XAGE2: variants seen among roughly 807,000 people sequenced by gnomAD.
XAGE2 encodes the protein X antigen family member 2, also known as G antigen family D member 3.
In XAGE2, 7 loss-of-function variants were observed where a neutral mutation model predicts 9.9. The observed-to-expected ratio is 0.71, with a 90% CI of 0.40 to 1.32. XAGE2 has a LOEUF of 1.32. Among genes scored for constraint, XAGE2 ranks in the 40% most tolerant of loss-of-function variants. The pLI is 0.01. For synonymous variants in XAGE2, 31 were observed against 26.8 expected, an observed-to-expected ratio of 1.16 and a Z score of -0.48; for missense variants, 85 against 81.0, an observed-to-expected ratio of 1.05 and a Z score of -0.19.
At chrX:52,369,681 C>T (rs1921143844) in intron 1 of XAGE2, among the ~76,000 whole-genome samples, 1 of 111,901 alleles carries the variant, frequency 8.9e-6, no homozygotes, top group Non-Finnish European at 1.9e-5. Flanking sequence ...TGACGAAAGC[C>T]GTGGTCACTG....
At chrX:52,370,715 G>C in intron 3 of XAGE2, 43 bp downstream of exon 3, 9 of 1,111,690 alleles carry the variant, frequency 8.1e-6, no homozygotes, top group Non-Finnish European at 9.9e-6. Context: ...GGGGAAGGAG[G>C]CCTATGTGTC....
At position 52,370,659 on chromosome X, in the gene XAGE2, A is replaced by T. The variant is rs948362575; in HGVS notation, c.174A>T (p.Ala58=). The change falls in exon 3 of 5, where the codon GCA becomes GCT. Residue 58 remains alanine (A), a synonymous_variant. Coordinates refer to ENST00000286049, the MANE Select transcript of XAGE2 (RefSeq NM_130777.3). ...AGAAGAGAGAAGATGATCAGGGTGC[A>T]GCTGAGATTCAAGGTGCTGGGAAAG... ...PDQKREDDQG[A]AEIQVPDLEA... 1.6e-5 allele frequency: 19 copies of T among 1,208,732 alleles called. No homozygotes were observed. Among genetic ancestry groups the T allele is most frequent in the Middle Eastern group, 2.3e-4 (1 of 4,367 alleles).
At chrX:52,373,781 T>C (rs1212668877) in intron 4 of XAGE2, among the ~76,000 whole-genome samples, 1 of 111,672 alleles carries the variant, frequency 9.0e-6, no homozygotes, top group Non-Finnish European at 1.9e-5. Flanking sequence ...AAGAACTCCA[T>C]GTTTAGGGAA....
At chrX:52,374,484 T>TG (rs1292510168) in intron 4 of XAGE2, among the ~76,000 whole-genome samples, 1 of 112,049 alleles carries the variant, frequency 8.9e-6, no homozygotes, top group Admixed American at 9.5e-5. Context: ...CCACTTGCCT[T>TG]GGCCTCCCAA....
intron 4 of XAGE2, among the ~76,000 whole-genome samples, chrX:52,373,644 A>G (rs1250220934): frequency 8.9e-6 from 1 of 112,111 alleles, no homozygotes; most frequent in African/African-American, 3.2e-5. Context: ...TTGAGACATC[A>G]GATGATAGGA....
At chrX:52,372,172 G>A (rs1921208072) in intron 3 of XAGE2, among the ~76,000 whole-genome samples, 1 of 110,489 alleles carries the variant, frequency 9.1e-6, no homozygotes, top group African/African-American at 3.3e-5. Flanking sequence ...GAAACATGGG[G>A]AAACACCAGA....
intron 3 of XAGE2, 129 bp from the exon 4 acceptor site, chrX:52,372,415 T>G: frequency 1.2e-6 from 1 of 854,636 alleles, no homozygotes; most frequent in Middle Eastern, 3.0e-4. Flanking sequence ...GTGACAGCTT[T>G]GCATCACATT....
Position 52,372,561 on chromosome X carries a change from G to A in XAGE2, c.205G>A (p.Asp69Asn), listed in dbSNP as rs1921217038. 5 of 1,210,984 alleles carry A rather than the reference G, an allele frequency of 4.1e-6. No homozygotes were observed. The highest frequency in any genetic ancestry group is 2.2e-5 in the Admixed American group (1 of 45,965). ...AEIQVPDLEADLQELCQTKTG... is the reference protein window; with the variant it reads ...AEIQVPDLEANLQELCQTKTG... ...TTTTTTAGTGCCTGACCTGGAAGCC[G>A]ATCTCCAGGAGCTATGTCAGACAAA... The change falls in exon 4 of 5, where the codon GAT (aspartate) becomes AAT (asparagine). Residue 69 changes from aspartate (D) to asparagine (N), a missense_variant. Transcript: ENST00000286049.
At position 52,372,523 on chromosome X, in the gene XAGE2, A is replaced by G; in HGVS notation, c.188-21A>G. ...ACTTCATGTTTTTGTACTCAAGTTC[A>G]ATAACCTTTGTATTTTTTAGTGCCT... On this transcript the variant is annotated intron_variant, in intron 3 of 4. Transcript: ENST00000286049. The G allele has an allele frequency of 2.5e-6, 3 of 1,210,209 alleles. No individual in the cohort carries two copies. In the South Asian group the frequency reaches 5.3e-5, roughly 21 times the overall value.
chrX:52,370,028 G>T lies in XAGE2; in HGVS notation c.14G>T (p.Gly5Val). Residue 5 changes from glycine (G) to valine (V), a missense_variant, in exon 2 of 5, where the codon GGA (glycine) becomes GTA (valine). Coordinates refer to ENST00000286049, the MANE Select transcript of XAGE2 (RefSeq NM_130777.3). Reference sequence around the variant, plus strand: ...GCAGAGTGAAATATGAGTTGGCGAGGAAGATCAACATATAGGCCTAGGCCA... The same window carrying T: ...GCAGAGTGAAATATGAGTTGGCGAGTAAGATCAACATATAGGCCTAGGCCA... MSWR[G>V]RSTYRPRPRR... The T allele has an allele frequency of 8.2e-7, 1 of 1,212,263 alleles. No homozygotes were observed. Among genetic ancestry groups the T allele is most frequent in the African/African-American group, 1.7e-5 (1 of 58,053 alleles).
At chrX:52,374,452 C>G (rs1209341872) in intron 4 of XAGE2, among the ~76,000 whole-genome samples, 4 of 111,647 alleles carry the variant, frequency 3.6e-5, no homozygotes, top group Non-Finnish European at 7.5e-5. Context: ...AAGCTGTTCT[C>G]GAACTCCTGA....
chrX:52,370,228 G>C (rs1407642810), intron 2 of XAGE2, 133 bp downstream of exon 2: 2 of 715,897 alleles, frequency 2.8e-6, no homozygotes, highest in Non-Finnish European at 4.3e-6. Context: ...ATGAAGGAAA[G>C]ACTAATCCAA....
In XAGE2 at chrX:52,372,524, A is replaced by G. The variant is rs2146414897; in HGVS notation, c.188-20A>G. 1 of 1,208,500 alleles carries G rather than the reference A, an allele frequency of 8.3e-7. No individual in the cohort carries two copies. The highest frequency in any genetic ancestry group is 3.0e-5 in the East Asian group (1 of 33,693). On this transcript the variant is annotated intron_variant, in intron 3 of 4. Coordinates refer to ENST00000286049, the MANE Select transcript of XAGE2 (RefSeq NM_130777.3). The stretch of plus-strand genomic sequence containing the variant: ...CTTCATGTTTTTGTACTCAAGTTCA[A>G]TAACCTTTGTATTTTTTAGTGCCTG...
At chrX:52,374,750 C>T (rs1461580580) in intron 4 of XAGE2, among the ~76,000 whole-genome samples, 1 of 111,624 alleles carries the variant, frequency 9.0e-6, no homozygotes, top group Non-Finnish European at 1.9e-5. Flanking sequence ...TCCTCTACAT[C>T]TCCATTTCCC....
chrX:52,372,578 T>C lies in XAGE2; in HGVS notation c.222T>C (p.Cys74=), dbSNP rs892677080. Residue 74 remains cysteine, a synonymous_variant, in exon 4 of 5, where the codon TGT becomes TGC. Coordinates refer to ENST00000286049, the MANE Select transcript of XAGE2 (RefSeq NM_130777.3). The part of the protein sequence containing the change: ...PDLEADLQEL[C]QTKTGDGCEG... ...TGGAAGCCGATCTCCAGGAGCTATGTCAGACAAAGACTGGGGATGGATGTG... is the reference window on the plus strand; with the variant it reads ...TGGAAGCCGATCTCCAGGAGCTATGCCAGACAAAGACTGGGGATGGATGTG... 1 of 1,209,673 alleles carries C rather than the reference T, an allele frequency of 8.3e-7. No individual in the cohort carries two copies. The highest frequency in any genetic ancestry group is 1.1e-6 in the Non-Finnish European group (1 of 895,026).
chrX:52,369,411 G>A (rs1921136915), intron 1 of XAGE2, among the ~76,000 whole-genome samples, 197 bp downstream of exon 1: 1 of 111,056 alleles, frequency 9.0e-6, no homozygotes, highest in Non-Finnish European at 1.9e-5. Context: ...CTCCCAATGG[G>A]ACAGATTCCA....
In XAGE2 at chrX:52,372,733, T is replaced by C; in HGVS notation, c.313+64T>C. On this transcript the variant is annotated intron_variant, in intron 4 of 4. Transcript: ENST00000286049. ...ATTTTTTACAATATTATACTTTTGA[T>C]CATAGAGAGATAATATTACTGCCAC... 9 of 1,160,767 alleles carry C rather than the reference T, an allele frequency of 7.8e-6. No homozygotes were observed. The South Asian group carries it at 1.1e-4, about 14-fold the overall frequency.
At chrX:52,369,317 C>T (rs1403982533) in intron 1 of XAGE2, 103 bp downstream of exon 1, 20 of 111,630 alleles carry the variant, frequency 1.8e-4, no homozygotes, top group Non-Finnish European at 3.0e-4. Context: ...GAAGGTGGGC[C>T]GCGGAGTGAA....
At chrX:52,370,288 C>G (rs1450481282) in intron 2 of XAGE2, among the ~76,000 whole-genome samples, 193 bp downstream of exon 2, 1 of 112,316 alleles carries the variant, frequency 8.9e-6, no homozygotes, top group Non-Finnish European at 1.9e-5. Context: ...TGTTCCCCAT[C>G]ATGACTTCCT....
Sources: gnomAD v4.1 joint callset for allele counts (sites outside exome capture counted in the v4.1 genomes callset) on GRCh38, gnomAD v4.1.1 for gene constraint, MANE v1.5 for transcripts, NCBI Gene and HGNC (gene_info 2026-07-23, HGNC 2026-07-21) for gene names.